Variants in NEK11 observed in about 807,000 individuals in gnomAD.
NEK11 encodes the protein serine/threonine-protein kinase Nek11.
In NEK11, 72 loss-of-function variants were observed where a neutral mutation model predicts 80.7. The ratio of observed to expected loss-of-function variants is 0.89; its 90% CI spans 0.74 to 1.08. NEK11 has a LOEUF of 1.08. NEK11 is among the 50% of genes least tolerant of loss of function. The probability of loss-of-function intolerance (pLI) is 0.00; values close to 1 mark genes in which losing one functional copy is unlikely to be tolerated. For missense variants in NEK11, 764 were observed against 763.6 expected (o/e 1.00, Z -0.01); for synonymous variants, 251 against 260.7 (o/e 0.96, Z 0.36).
At chr3:131,044,243 TAAC>T (rs927530693) in intron 3 of NEK11, among the ~76,000 whole-genome samples, 2 of 151,828 alleles carry the variant, frequency 1.3e-5, no homozygotes, top group African/African-American at 4.8e-5. Context: ...AATTCACACA[TAAC>T]AATATTAACC....
At chr3:131,307,518 C>T (rs2096734875) in intron 17 of NEK11, among the ~76,000 whole-genome samples, 2 of 152,140 alleles carry the variant, frequency 1.3e-5, no homozygotes, top group African/African-American at 4.8e-5. Flanking sequence ...TCCCCTTTTA[C>T]ATAAAATGCA....
At chr3:131,280,765 A>G (rs1275256743) in intron 17 of NEK11, among the ~76,000 whole-genome samples, 1 of 152,198 alleles carries the variant, frequency 6.6e-6, no homozygotes, top group African/African-American at 2.4e-5. Context: ...TCCAATAAAT[A>G]GCCGGGATCT....
intron 4 of NEK11, among the ~76,000 whole-genome samples, chr3:131,106,003 C>T (rs938650774): frequency 2.0e-5 from 3 of 152,090 alleles, no homozygotes; most frequent in Non-Finnish European, 2.9e-5. Context: ...AAGTTGTTTT[C>T]CTTATTATTT....
chr3:131,264,396 G>A (rs960354523), intron 16 of NEK11, among the ~76,000 whole-genome samples: 2 of 152,156 alleles, frequency 1.3e-5, no homozygotes, highest in Admixed American at 1.3e-4. Flanking sequence ...TGTATAAGGT[G>A]TAAGGAAGGG....
At chr3:131,134,490 T>A (rs1253500220) in intron 7 of NEK11, among the ~76,000 whole-genome samples, 1 of 151,956 alleles carries the variant, frequency 6.6e-6, no homozygotes, top group Non-Finnish European at 1.5e-5. Context: ...AACCTCCACC[T>A]CTTGGGTTCA....
At chr3:131,117,748 G>A (rs185219817) in intron 5 of NEK11, among the ~76,000 whole-genome samples, 58 of 152,248 alleles carry the variant, frequency 3.8e-4, no homozygotes, top group African/African-American at 1.1e-3. Context: ...AATTGTGAAT[G>A]GGAATTCATT....
intron 15 of NEK11, among the ~76,000 whole-genome samples, chr3:131,242,671 G>A (rs1211616640): frequency 6.6e-6 from 1 of 152,058 alleles, no homozygotes; most frequent in African/African-American, 2.4e-5. Context: ...GCCCACCTTG[G>A]ACTCCCAAAA....
chr3:131,103,512 C>T (rs1330721210), intron 4 of NEK11, among the ~76,000 whole-genome samples: 1 of 152,202 alleles, frequency 6.6e-6, no homozygotes, highest in African/African-American at 2.4e-5. Context: ...GAGGCTCTTA[C>T]TCTGCTGCAT....
At chr3:131,164,633 C>G (rs1478384300) in intron 11 of NEK11, among the ~76,000 whole-genome samples, 1 of 152,162 alleles carries the variant, frequency 6.6e-6, no homozygotes, top group Non-Finnish European at 1.5e-5. Context: ...AAAGAAGTCA[C>G]ATATCTTTCA....
At chr3:131,269,603 TGGAAATGGAGAA>T in intron 16 of NEK11, among the ~76,000 whole-genome samples, 1 of 152,178 alleles carries the variant, frequency 6.6e-6, no homozygotes, top group East Asian at 1.9e-4. Context: ...GTACCTCAGT[TGGAAATGGAGAA>T]ATCACCCGCC....
chr3:131,109,514 T>G (rs531825666), intron 4 of NEK11: 1 of 212,318 alleles, frequency 4.7e-6, no homozygotes, highest in Admixed American at 5.9e-5. Context: ...GTAGGAACTT[T>G]AAGGGGTAGG....
chr3:131,284,836 G>A (rs1249828372), intron 17 of NEK11, among the ~76,000 whole-genome samples: 2 of 152,112 alleles, frequency 1.3e-5, no homozygotes, highest in Admixed American at 6.5e-5. Context: ...TCAAGCCTTC[G>A]GCCACAGACT....
intron 10 of NEK11, among the ~76,000 whole-genome samples, chr3:131,155,339 C>G (rs906448566): frequency 1.3e-5 from 2 of 152,200 alleles, no homozygotes; most frequent in Non-Finnish European, 2.9e-5. Flanking sequence ...CACTGCACAG[C>G]TTACAGATCT....
intron 17 of NEK11, chr3:131,325,872 A>AAAAC (rs2096959533): frequency 1.3e-5 from 2 of 152,340 alleles, no homozygotes; most frequent in Admixed American, 1.3e-4. Flanking sequence ...AGTGTTTATG[A>AAAAC]AAACATACAG....
intron 14 of NEK11, among the ~76,000 whole-genome samples, chr3:131,217,046 T>G (rs2094863259): frequency 6.6e-6 from 1 of 152,016 alleles, no homozygotes; most frequent in Admixed American, 6.6e-5. Context: ...ACTTCTGAGC[T>G]CCAATGAGCA....
chr3:131,308,058 T>C (rs1371232220), intron 17 of NEK11, among the ~76,000 whole-genome samples: 2 of 152,234 alleles, frequency 1.3e-5, no homozygotes, highest in Non-Finnish European at 2.9e-5. Flanking sequence ...GAGGAATAAA[T>C]GACAGGAATG....
intron 4 of NEK11, among the ~76,000 whole-genome samples, chr3:131,086,216 G>C (rs868611910): frequency 8.7e-4 from 133 of 152,176 alleles, no homozygotes; most frequent in African/African-American, 3.2e-3. Context: ...AATATCCTGG[G>C]TAAGATAGTT....
At chr3:131,072,876 A>G (rs997650878) in intron 3 of NEK11, among the ~76,000 whole-genome samples, 1 of 152,218 alleles carries the variant, frequency 6.6e-6, no homozygotes, top group Non-Finnish European at 1.5e-5. Flanking sequence ...GCACAAATGC[A>G]CAAGCTTTTT....
chr3:131,301,708 T>G (rs1329404671), intron 17 of NEK11, among the ~76,000 whole-genome samples: 3 of 152,214 alleles, frequency 2.0e-5, no homozygotes, highest in Admixed American at 1.3e-4. Context: ...GAACCAACCT[T>G]ACATCCCAGT....
Sources: gnomAD v4.1 joint callset for allele counts (sites outside exome capture counted in the v4.1 genomes callset) on GRCh38, gnomAD v4.1.1 for gene constraint, MANE v1.5 for transcripts, NCBI Gene and HGNC (gene_info 2026-07-23, HGNC 2026-07-21) for gene names.